ADAMTS14: variants seen among roughly 807,000 people sequenced by gnomAD.
ADAMTS14 encodes the protein ADAM metallopeptidase with thrombospondin type 1 motif 14.
A neutral mutation model predicts 128.6 loss-of-function variants in ADAMTS14; 100 were observed. That is an observed-to-expected ratio of 0.78 (90% CI 0.66 to 0.92). ADAMTS14 has a LOEUF of 0.92. ADAMTS14 is among the 40% of genes least tolerant of loss of function. The pLI is 0.00. For synonymous variants in ADAMTS14, 665 were observed against 653.8 expected (o/e 1.02, Z -0.26); for missense variants, 1,562 against 1,658.6 (o/e 0.94, Z 1.01).
intron 2 of ADAMTS14, among the ~76,000 whole-genome samples, chr10:70,695,093 T>C (rs117142927): frequency 3.7e-3 from 561 of 152,354 alleles, no homozygotes; most frequent in Non-Finnish European, 6.9e-3. Context: ...TGGATTTGCA[T>C]TTCCCTGATG....
At chr10:70,739,015 G>A in intron 11 of ADAMTS14, 25 bp downstream of exon 11, 4 of 1,581,270 alleles carry the variant, frequency 2.5e-6, no homozygotes, top group Non-Finnish European at 3.4e-6. Flanking sequence ...CTAGGGTGGG[G>A]AGGGCAGGGA....
Position 70,702,358 on chromosome 10 carries a change from T to C in ADAMTS14, c.569T>C (p.Leu190Pro), listed in dbSNP as rs1405439636. The change falls in exon 3 of 22, where the codon CTG (leucine) becomes CCG (proline). Residue 190 changes from leucine (L) to proline (P), a missense_variant. By Grantham distance (98) the Leu-to-Pro change is moderately conservative (BLOSUM62 -3). Transcript: ENST00000373207. ...AGCACCGACTTCTTCATTGAGCCTC[T>C]GGAGCGGGGCCAGCAGGAGAAGGAG... is the stretch of plus-strand genomic sequence containing the variant. Reference protein sequence around the residue: ...TDSTDFFIEPLERGQQEKEAS... With the variant: ...TDSTDFFIEPPERGQQEKEAS... 1.2e-6 allele frequency: 2 copies of C among 1,614,182 alleles called. No homozygotes were observed. Among genetic ancestry groups the C allele is most frequent in the Admixed American group, 1.7e-5 (1 of 60,024 alleles).
At chr10:70,713,502 G>A (rs4747085) in intron 4 of ADAMTS14, among the ~76,000 whole-genome samples, 53 of 152,240 alleles carry the variant, frequency 3.5e-4, no homozygotes, top group Admixed American at 9.8e-4. Flanking sequence ...GCCCATTAGG[G>A]CACCGTCCCC....
chr10:70,735,649 A>T (rs138095733), intron 9 of ADAMTS14, among the ~76,000 whole-genome samples: 1 of 152,260 alleles, frequency 6.6e-6, no homozygotes, highest in Non-Finnish European at 1.5e-5. Flanking sequence ...CCCTCCGGGG[A>T]TGTGCCAAGT....
At chr10:70,701,222 A>G (rs1038780227) in intron 2 of ADAMTS14, among the ~76,000 whole-genome samples, 7 of 152,190 alleles carry the variant, frequency 4.6e-5, no homozygotes, top group African/African-American at 1.7e-4. Flanking sequence ...AGGAGGTGGG[A>G]AAATGGGTGG....
chr10:70,676,740 C>T (rs1278528197), intron 2 of ADAMTS14, among the ~76,000 whole-genome samples: 1 of 152,236 alleles, frequency 6.6e-6, no homozygotes, highest in African/African-American at 2.4e-5. Flanking sequence ...CTTGGTCACC[C>T]CGCTGGCTAG....
Position 70,752,114 on chromosome 10 carries a change from C to A in ADAMTS14, c.2616C>A (p.Tyr872Ter), listed in dbSNP as rs147720294. The A allele has an allele frequency of 1.2e-6, 2 of 1,612,656 alleles. No individual in the cohort carries two copies. Among genetic ancestry groups the A allele is most frequent in the Non-Finnish European group, 1.7e-6 (2 of 1,179,738 alleles). Residue 872 changes from tyrosine to a stop codon, truncating the protein, a stop_gained, in exon 18 of 22, where the codon TAC becomes TAA. Transcript: ENST00000373207. LOFTEE classifies it high-confidence loss of function. ...ACGGGIQFTKYGCRRRRDHHM... is the reference protein window; with the variant it reads ...ACGGGIQFTK The stretch of plus-strand genomic sequence containing the variant: ...CCATAGGGATCCAGTTCACCAAATA[C>A]GGCTGCCGGCGCAGACGAGACCACC...
chr10:70,743,961 G>A, intron 13 of ADAMTS14, 105 bp from the exon 14 acceptor site: 1 of 1,435,774 alleles, frequency 7.0e-7, no homozygotes, highest in African/African-American at 1.4e-5. Context: ...CATCTCCCAG[G>A]CCAGAGGTCT....
At chr10:70,718,294 C>T (rs974167031) in intron 4 of ADAMTS14, among the ~76,000 whole-genome samples, 2 of 151,990 alleles carry the variant, frequency 1.3e-5, no homozygotes, top group Non-Finnish European at 2.9e-5. Context: ...TGTCTCTTCC[C>T]CAAAACTGCT....
chr10:70,683,407 C>T (rs891401330), intron 2 of ADAMTS14, among the ~76,000 whole-genome samples: 3 of 152,210 alleles, frequency 2.0e-5, no homozygotes, highest in African/African-American at 7.2e-5. Flanking sequence ...GGGGCTTCTC[C>T]TGACCCGCCT....
chr10:70,746,402 C>T (rs10823610), intron 15 of ADAMTS14, among the ~76,000 whole-genome samples: 2 of 152,144 alleles, frequency 1.3e-5, no homozygotes, highest in African/African-American at 2.4e-5. Context: ...AGAATAGATC[C>T]GTGGCTGCCA....
At chr10:70,742,762 G>A (rs1410202927) in intron 12 of ADAMTS14, among the ~76,000 whole-genome samples, 1 of 152,162 alleles carries the variant, frequency 6.6e-6, no homozygotes, top group Non-Finnish European at 1.5e-5. Flanking sequence ...TTTTTTCTAA[G>A]AAGCACAGTA....
At chr10:70,742,319 TGG>T (rs1842025946) in intron 12 of ADAMTS14, among the ~76,000 whole-genome samples, 1 of 151,778 alleles carries the variant, frequency 6.6e-6, no homozygotes, top group African/African-American at 2.4e-5. Context: ...CTGGTTCCTG[TGG>T]ATGAAATCCA....
chr10:70,749,743 G>A (rs1842293699), intron 15 of ADAMTS14, 79 bp from the exon 16 acceptor site: 3 of 1,515,020 alleles, frequency 2.0e-6, no homozygotes, highest in African/African-American at 1.4e-5. Flanking sequence ...CACTGGGAAG[G>A]CCTTGAATTT....
chr10:70,753,704 T>G, intron 18 of ADAMTS14, 96 bp from the exon 19 acceptor site: 1 of 1,331,938 alleles, frequency 7.5e-7, no homozygotes, highest in Non-Finnish European at 1.0e-6. Context: ...AAACCCACTC[T>G]CTGGCTCCTG....
intron 6 of ADAMTS14, among the ~76,000 whole-genome samples, chr10:70,730,781 G>A (rs1174052702): frequency 6.6e-6 from 1 of 152,154 alleles, no homozygotes; most frequent in Non-Finnish European, 1.5e-5. Flanking sequence ...AAGGCCCCGG[G>A]GGTGCATGAC....
chr10:70,688,632 G>A (rs1286614295), intron 2 of ADAMTS14, among the ~76,000 whole-genome samples: 2 of 107,534 alleles, frequency 1.9e-5, no homozygotes, highest in Middle Eastern at 4.4e-3. Flanking sequence ...TCGGGAGGCC[G>A]AGGTTGGCGG....
At chr10:70,694,334 A>G (rs1374424631) in intron 2 of ADAMTS14, among the ~76,000 whole-genome samples, 2 of 152,210 alleles carry the variant, frequency 1.3e-5, no homozygotes, top group Non-Finnish European at 2.9e-5. Context: ...GTCTCCATGC[A>G]TGCATATTAT....
At chr10:70,745,076 C>T in intron 14 of ADAMTS14, 150 bp from the exon 15 acceptor site, 1 of 709,142 alleles carries the variant, frequency 1.4e-6, no homozygotes, top group Non-Finnish European at 2.3e-6. Context: ...AAGGTCTCAT[C>T]CTCAGTTTAC....
Sources: allele counts gnomAD v4.1 joint callset (sites outside exome capture counted in the v4.1 genomes callset), GRCh38; gene constraint gnomAD v4.1.1; transcripts MANE v1.5; gene names NCBI Gene and HGNC (gene_info 2026-07-23, HGNC 2026-07-21).